The following KCNH7 variants were observed in gnomAD, a reference collection of about 807,000 sequenced individuals.
The protein encoded by KCNH7 is potassium voltage-gated channel subfamily H member 7, also known as voltage-gated inwardly rectifying potassium channel KCNH7.
In KCNH7, 49 loss-of-function variants were observed where a neutral mutation model predicts 120.8. That is an observed-to-expected ratio of 0.41 (90% CI 0.32 to 0.51). The LOEUF is 0.51. KCNH7 is among the 20% of genes least tolerant of loss of function. KCNH7 has a pLI of 0.38. For missense variants in KCNH7, 1,097 were observed against 1,446.6 expected, an observed-to-expected ratio of 0.76 and a Z score of 3.92; for synonymous variants, 547 against 516.1, an observed-to-expected ratio of 1.06 and a Z score of -0.81.
chr2:162,828,297 T>G (rs1469312571), intron 2 of KCNH7, among the ~76,000 whole-genome samples: 1 of 152,176 alleles, frequency 6.6e-6, no homozygotes, highest in Non-Finnish European at 1.5e-5. Context: ...TATTTATTAC[T>G]TGTTCTTTGT....
chr2:162,551,730 A>C (rs1479424055), intron 2 of KCNH7, among the ~76,000 whole-genome samples: 3 of 152,214 alleles, frequency 2.0e-5, no homozygotes, highest in Admixed American at 1.3e-4. Context: ...TCCCATAATC[A>C]ATACTTAAAG....
intron 2 of KCNH7, among the ~76,000 whole-genome samples, chr2:162,586,075 G>C (rs1179842480): frequency 6.6e-6 from 1 of 151,964 alleles, no homozygotes; most frequent in Non-Finnish European, 1.5e-5. Flanking sequence ...TATCCTTTTA[G>C]TTTGCTGATT....
At chr2:162,461,496 T>C (rs1478786736) in intron 6 of KCNH7, among the ~76,000 whole-genome samples, 1 of 152,150 alleles carries the variant, frequency 6.6e-6, no homozygotes, top group Non-Finnish European at 1.5e-5. Flanking sequence ...CCAGAATAGC[T>C]CAAAATTAAA....
chr2:162,652,172 G>A (rs2105260982), intron 2 of KCNH7, among the ~76,000 whole-genome samples: 1 of 152,188 alleles, frequency 6.6e-6, no homozygotes, highest in Admixed American at 6.5e-5. Flanking sequence ...TTGTGATATG[G>A]GGGAAAGAGC....
chr2:162,690,470 G>T lies in KCNH7; in HGVS notation c.307+146067C>A, dbSNP rs79771366. Among the ~76,000 whole-genome samples the T allele has an allele frequency of 2.6e-3, 389 of 152,136 alleles. 2 individuals are homozygous for T. The highest frequency in any genetic ancestry group is 8.9e-3 in the African/African-American group (371 of 41,502). Reference sequence around the variant, plus strand: ...GTTTTACCCATCATTCATTTGTCTGGGATTGCAGATGCACTATTTAGTATA... The same window carrying T: ...GTTTTACCCATCATTCATTTGTCTGTGATTGCAGATGCACTATTTAGTATA... On this transcript the variant is annotated intron_variant, in intron 2 of 15. Transcript: ENST00000332142.
rs114063735 is a variant in KCNH7, at chr2:162,380,447, G to A, written c.2963-426C>T. Among the ~76,000 whole-genome samples the A allele has an allele frequency of 4.9e-3, 751 of 152,100 alleles. 10 individuals carry two copies. Among genetic ancestry groups the A allele is most frequent in the African/African-American group, 0.017 (715 of 41,504 alleles). The stretch of plus-strand genomic sequence containing the variant: ...CTTTCCCACAGGATAACTTGCATAC[G>A]TTATGACTTAGAGTGGGCCCAAGAA... On this transcript the variant is annotated intron_variant, in intron 13 of 15. Coordinates refer to ENST00000332142, the MANE Select transcript of KCNH7 (RefSeq NM_033272.4).
Position 162,597,843 on chromosome 2 carries a change from A to C in KCNH7, c.308-60763T>G, listed in dbSNP as rs551539407. 2.0e-5 allele frequency among the ~76,000 whole-genome samples: 3 copies of C among 152,230 alleles called. No individual in the cohort carries two copies. In the South Asian group the frequency reaches 6.2e-4, roughly 32 times the overall value. ...GCAATTATTGTCAACTAAAAATAAG[A>C]ATGAAATTTAAAACAACATTTTGAA... On this transcript the variant is annotated intron_variant, in intron 2 of 15. Coordinates refer to ENST00000332142, the MANE Select transcript of KCNH7 (RefSeq NM_033272.4).
intron 2 of KCNH7, among the ~76,000 whole-genome samples, chr2:162,740,759 A>G (rs1008399318): frequency 5.9e-5 from 9 of 152,092 alleles, no homozygotes; most frequent in African/African-American, 2.2e-4. Flanking sequence ...CACTCCTTGA[A>G]CTTTCTGCTC....
chr2:162,573,649 G>T (rs1013983992), intron 2 of KCNH7, among the ~76,000 whole-genome samples: 1 of 151,284 alleles, frequency 6.6e-6, no homozygotes, highest in Non-Finnish European at 1.5e-5. Context: ...CACCTTTTTT[G>T]TGTGTGTGTT....
chr2:162,426,225 A>G (rs1170871825), intron 8 of KCNH7, among the ~76,000 whole-genome samples: 1 of 151,822 alleles, frequency 6.6e-6, no homozygotes, highest in Non-Finnish European at 1.5e-5. Flanking sequence ...AAAAAAAAAA[A>G]AAAAAAAAAA....
intron 2 of KCNH7, among the ~76,000 whole-genome samples, chr2:162,755,511 A>T (rs1328861067): frequency 6.6e-6 from 1 of 151,978 alleles, no homozygotes; most frequent in Non-Finnish European, 1.5e-5. Context: ...AAAGTTTACC[A>T]ATTTTCTTTA....
Position 162,373,535 on chromosome 2 carries a change from G to T in KCNH7, c.3259C>A (p.Leu1087Met). The T allele has an allele frequency of 6.3e-7, 1 of 1,589,344 alleles. No individual in the cohort carries two copies. Among genetic ancestry groups the T allele is most frequent in the Non-Finnish European group, 8.6e-7 (1 of 1,167,884 alleles). The change falls in exon 15 of 16, where the codon CTG becomes ATG. Residue 1087 changes from leucine to methionine, a missense_variant. Leu to Met is a conservative substitution (Grantham distance 15). Coordinates refer to ENST00000332142, the MANE Select transcript of KCNH7 (RefSeq NM_033272.4). ...GSEYQRPIIQ[L>M]MRTSQPEASI... Reference sequence around the variant, plus strand: ...GCTTCCGGTTGACTGGTTCTCATCAGCTGGATGATGGGTCTCTGATATTCT... The same window carrying T: ...GCTTCCGGTTGACTGGTTCTCATCATCTGGATGATGGGTCTCTGATATTCT...
At chr2:162,574,872 C>CA (rs1460537336) in intron 2 of KCNH7, among the ~76,000 whole-genome samples, 3 of 152,062 alleles carry the variant, frequency 2.0e-5, no homozygotes, top group Non-Finnish European at 4.4e-5. Flanking sequence ...TAACAAAAGT[C>CA]AAACATTAAC....
chr2:162,485,599 T>C (rs1345935830), intron 6 of KCNH7, among the ~76,000 whole-genome samples: 1 of 152,180 alleles, frequency 6.6e-6, no homozygotes, highest in South Asian at 2.1e-4. Flanking sequence ...TCTTTCTTTA[T>C]TGAAAACACA....
At chr2:162,397,215 C>A (rs1686940219) in intron 10 of KCNH7, among the ~76,000 whole-genome samples, 1 of 151,778 alleles carries the variant, frequency 6.6e-6, no homozygotes, top group Non-Finnish European at 1.5e-5. Context: ...GTATACCCCA[C>A]TTTGCTAGCA....
chr2:162,777,611 CT>C (rs1683293121), intron 2 of KCNH7, among the ~76,000 whole-genome samples: 1 of 152,128 alleles, frequency 6.6e-6, no homozygotes, highest in South Asian at 2.1e-4. Context: ...TTTACATATA[CT>C]CACTGTATTA....
At chr2:162,409,634 T>C (rs1458438898) in intron 9 of KCNH7, among the ~76,000 whole-genome samples, 3 of 151,922 alleles carry the variant, frequency 2.0e-5, no homozygotes, top group Non-Finnish European at 2.9e-5. Flanking sequence ...AAATAATAAG[T>C]CAAACTATCT....
intron 2 of KCNH7, among the ~76,000 whole-genome samples, chr2:162,577,986 A>G (rs1025880291): frequency 6.6e-5 from 10 of 152,070 alleles, no homozygotes; most frequent in African/African-American, 2.4e-4. Context: ...GCCCAAGGTC[A>G]TAGAATTTCT....
intron 2 of KCNH7, among the ~76,000 whole-genome samples, chr2:162,709,448 G>C (rs1053962519): frequency 1.3e-5 from 2 of 151,964 alleles, no homozygotes; most frequent in Non-Finnish European, 1.5e-5. Context: ...TAAAATAACT[G>C]AAAAATAAGA....
Sources: allele counts gnomAD v4.1 joint callset (sites outside exome capture counted in the v4.1 genomes callset), GRCh38; gene constraint gnomAD v4.1.1; transcripts MANE v1.5; gene names NCBI Gene and HGNC (gene_info 2026-07-23, HGNC 2026-07-21).